Variants in RPSA2 observed in about 807,000 individuals in gnomAD.
The protein encoded by RPSA2 is ribosomal protein SA 2.
At chr19:23,797,775 A>G in the RPSA2 span, among the ~76,000 whole-genome samples, 3,333 of 152,256 alleles carry the variant, frequency 0.022, 129 homozygotes, top group African/African-American at 0.076. Flanking sequence ...ATTTTATATA[A>G]CACCTTTCTC....
the RPSA2 span, among the ~76,000 whole-genome samples, chr19:23,775,476 T>C: frequency 1.4e-4 from 21 of 152,262 alleles, no homozygotes; most frequent in Non-Finnish European, 2.6e-4. Context: ...CCACAAAAGA[T>C]TGCGACTCTC....
chr19:23,832,498 C>A, the RPSA2 span: 1 of 547,850 alleles, frequency 1.8e-6, no homozygotes, highest in Non-Finnish European at 3.2e-6. Flanking sequence ...AACCTTTTAG[C>A]CAAAACTCAA....
At chr19:23,834,419 T>C in the RPSA2 span, among the ~76,000 whole-genome samples, 2 of 152,038 alleles carry the variant, frequency 1.3e-5, no homozygotes, top group African/African-American at 4.8e-5. Flanking sequence ...GCATTACTTA[T>C]GACCTTTTCT....
chr19:23,773,620 CAT>C, the RPSA2 span, among the ~76,000 whole-genome samples: 2 of 152,108 alleles, frequency 1.3e-5, no homozygotes, highest in Non-Finnish European at 2.9e-5. Context: ...CATCAAATAG[CAT>C]ACATCATCAT....
the RPSA2 span, chr19:23,832,057 T>C: frequency 2.8e-5 from 13 of 461,138 alleles, no homozygotes; most frequent in East Asian, 7.5e-4. Context: ...ACCTTACAAA[T>C]GTGAAGAATG....
At chr19:23,867,492 C>A in the RPSA2 span, among the ~76,000 whole-genome samples, 7 of 151,968 alleles carry the variant, frequency 4.6e-5, no homozygotes, top group Admixed American at 4.6e-4. Context: ...AGGAAAATTC[C>A]TACAAGGAAA....
chr19:23,824,096 G>GTGC, the RPSA2 span, among the ~76,000 whole-genome samples: 1 of 152,186 alleles, frequency 6.6e-6, no homozygotes, highest in Non-Finnish European at 1.5e-5. Context: ...TCTTTTATAT[G>GTGC]TGCATGGTGG....
At chr19:23,836,666 A>C in the RPSA2 span, among the ~76,000 whole-genome samples, 17 of 152,320 alleles carry the variant, frequency 1.1e-4, no homozygotes, top group Non-Finnish European at 2.2e-4. Flanking sequence ...TGCTGCATCC[A>C]TGCCAACATC....
chr19:23,827,711 C>T, the RPSA2 span: 68 of 1,586,616 alleles, frequency 4.3e-5, no homozygotes, highest in Admixed American at 8.3e-5. Context: ...GGAAGTTCTG[C>T]GCATGCGTGG....
chr19:23,763,366 G>T, the RPSA2 span, among the ~76,000 whole-genome samples: 6 of 152,342 alleles, frequency 3.9e-5, no homozygotes, highest in East Asian at 7.7e-4. Context: ...TCTTCACGCA[G>T]CCTCGAGTAT....
At chr19:23,857,375 AT>A in the RPSA2 span, among the ~76,000 whole-genome samples, 1 of 151,922 alleles carries the variant, frequency 6.6e-6, no homozygotes, top group African/African-American at 2.4e-5. Context: ...AATCTTCACA[AT>A]TTATGTTCCT....
chr19:23,761,921 T>TCTCTCTCTCTCGCTCTCTCTCTCTCTCTC, the RPSA2 span, among the ~76,000 whole-genome samples: 2 of 76,196 alleles, frequency 2.6e-5, no homozygotes, highest in Non-Finnish European at 5.2e-5. Flanking sequence ...TCTTTCTTTC[T>TCTCTCTCTCTCGCTCTCTCTCTCTCTCTC]TTTTTTTTTT....
At chr19:23,846,142 C>T in the RPSA2 span, among the ~76,000 whole-genome samples, 1 of 152,066 alleles carries the variant, frequency 6.6e-6, no homozygotes, top group African/African-American at 2.4e-5. Context: ...ACAGATACTG[C>T]TGTCTGTTTT....
chr19:23,774,416 A>G, the RPSA2 span, among the ~76,000 whole-genome samples: 148,836 of 152,166 alleles, frequency 0.98, 72,882 homozygotes, highest in Middle Eastern at 1. Flanking sequence ...TACCAAACAA[A>G]TGTGATTCTT....
At chr19:23,841,809 C>T in the RPSA2 span, among the ~76,000 whole-genome samples, 1 of 152,198 alleles carries the variant, frequency 6.6e-6, no homozygotes, top group African/African-American at 2.4e-5. Flanking sequence ...GCTTATACAA[C>T]CAGGTTACAT....
At chr19:23,863,464 T>C in the RPSA2 span, among the ~76,000 whole-genome samples, 303 of 150,878 alleles carry the variant, frequency 2.0e-3, no homozygotes, top group Non-Finnish European at 3.2e-3. Context: ...GTGGGGAGGC[T>C]GAGGCAAGAG....
the RPSA2 span, chr19:23,832,687 C>T: frequency 1.3e-6 from 2 of 1,500,220 alleles, no homozygotes; most frequent in South Asian, 1.1e-5. Flanking sequence ...CCTAACTGGT[C>T]ATAAGAGGAT....
chr19:23,865,636 A>T, the RPSA2 span, among the ~76,000 whole-genome samples: 6 of 152,198 alleles, frequency 3.9e-5, no homozygotes, highest in African/African-American at 1.4e-4. Flanking sequence ...TTTGCTAAGC[A>T]GAAAAAAAGA....
the RPSA2 span, among the ~76,000 whole-genome samples, chr19:23,844,112 A>G: frequency 1.6e-4 from 25 of 152,090 alleles, no homozygotes; most frequent in Admixed American, 1.6e-3. Flanking sequence ...GTGATAGCTC[A>G]TCGTTGTTTT....
Sources: allele counts gnomAD v4.1 joint callset (sites outside exome capture counted in the v4.1 genomes callset), GRCh38; gene constraint gnomAD v4.1.1; transcripts MANE v1.5; gene names NCBI Gene and HGNC (gene_info 2026-07-23, HGNC 2026-07-21).